IL5RA: variants seen among roughly 807,000 people sequenced by gnomAD.
The protein encoded by IL5RA is interleukin 5 receptor subunit alpha.
In IL5RA, 49 loss-of-function variants were observed where a neutral mutation model predicts 50.0. The ratio of observed to expected loss-of-function variants is 0.98; its 90% CI spans 0.78 to 1.24. The LOEUF is 1.24. Among genes scored for constraint, IL5RA ranks in the 50% most tolerant of loss-of-function variants. The pLI, the probability that IL5RA is intolerant of heterozygous loss-of-function variation, is 0.00. For synonymous variants in IL5RA, 202 were observed against 174.0 expected (o/e 1.16, Z -1.26); for missense variants, 600 against 500.4 (o/e 1.20, Z -1.90).
At chr3:3,107,472 T>G (rs748313032) in intron 2 of IL5RA, among the ~76,000 whole-genome samples, 2 of 152,140 alleles carry the variant, frequency 1.3e-5, no homozygotes, top group Non-Finnish European at 2.9e-5. Context: ...TGGGTCATAT[T>G]TCACTATAAA....
intron 9 of IL5RA, among the ~76,000 whole-genome samples, chr3:3,080,256 G>A (rs1338848471): frequency 1.3e-5 from 2 of 152,124 alleles, no homozygotes; most frequent in Non-Finnish European, 2.9e-5. Flanking sequence ...TTCTTACAGC[G>A]ATGCTTTGAG....
chr3:3,101,143 C>T (rs192698749), intron 5 of IL5RA, among the ~76,000 whole-genome samples: 57 of 149,724 alleles, frequency 3.8e-4, no homozygotes, highest in African/African-American at 1.3e-3. Context: ...CACACCACTG[C>T]ACTTCAGCCT....
In IL5RA at chr3:3,095,274, A is replaced by G. The variant is rs374344230; in HGVS notation, c.855+25T>C. 76 of 1,524,300 alleles carry G rather than the reference A, an allele frequency of 5.0e-5. 1 individual carries two copies. The African/African-American group carries it at 8.2e-4, about 16-fold the overall frequency. 94.4% of individuals were successfully genotyped at this position (1,524,300 alleles called of 1,614,324 possible). A position where few individuals can be genotyped will look rare whatever the true frequency, so the allele number is the denominator to read the frequency against. On this transcript the variant is annotated intron_variant, in intron 8 of 11. Transcript: ENST00000446632. ...TTCTAAAACAAATGTCTGTTATCAA[A>G]TATTGGAATAATCTGAGTAATTACC...
chr3:3,090,448 C>G (rs375633166), intron 9 of IL5RA, among the ~76,000 whole-genome samples: 7 of 152,102 alleles, frequency 4.6e-5, no homozygotes, highest in Non-Finnish European at 1.0e-4. Context: ...ACACATGAGA[C>G]GCACTAGTTG....
chr3:3,076,599 C>T lies in IL5RA; in HGVS notation c.1023G>A (p.Glu341=). ...VGNDEHKPLR[E]WFVIVIMATI... ...TTGCCATAATCACAATGACAAACCA[C>T]TCTCTCAAGGGCTTGTGTTCATCAT... is the stretch of plus-strand genomic sequence containing the variant. The change falls in exon 10 of 12, where the codon GAG becomes GAA. Residue 341 remains glutamate, a synonymous_variant. Transcript: ENST00000446632. 1.2e-6 allele frequency: 2 copies of T among 1,610,906 alleles called. No individual in the cohort carries two copies. The highest frequency in any genetic ancestry group is 1.7e-6 in the Non-Finnish European group (2 of 1,177,286).
chr3:3,097,759 G>T, intron 7 of IL5RA, 111 bp downstream of exon 7: 5 of 1,179,654 alleles, frequency 4.2e-6, no homozygotes, highest in Non-Finnish European at 4.7e-6. Context: ...TGGGTCTGAT[G>T]CTTACTTGGC....
chr3:3,085,810 A>AC (rs1443457365), intron 9 of IL5RA, among the ~76,000 whole-genome samples: 2 of 151,830 alleles, frequency 1.3e-5, no homozygotes, highest in Non-Finnish European at 2.9e-5. Flanking sequence ...GGACTCTGAG[A>AC]CCCCCACTCC....
Position 3,095,343 on chromosome 3 carries a change from C to T in IL5RA, c.811G>A (p.Asp271Asn). Residue 271 changes from aspartate (D) to asparagine (N), a missense_variant, in exon 8 of 12, where the codon GAT becomes AAT. Physicochemically the swap from Asp to Asn is conservative, Grantham distance 23. Coordinates refer to ENST00000446632, the MANE Select transcript of IL5RA (RefSeq NM_175726.4). The stretch of plus-strand genomic sequence containing the variant: ...GTATTGTGTATTTTTACTTCATAAT[C>T]AAAGCAATGGATTGGAAAAGCAGAC... ...PVSAFPIHCF[D>N]YEVKIHNTRN... is the part of the protein sequence containing the mutation. 1.2e-6 allele frequency: 2 copies of T among 1,608,114 alleles called. No homozygotes were observed. The highest frequency in any genetic ancestry group is 1.7e-6 in the Non-Finnish European group (2 of 1,174,886).
intron 9 of IL5RA, among the ~76,000 whole-genome samples, chr3:3,081,705 G>C (rs902888666): frequency 2.0e-5 from 3 of 152,186 alleles, no homozygotes; most frequent in African/African-American, 7.2e-5. Context: ...ACTTTGATAA[G>C]CGAAGATTCT....
At chr3:3,106,298 C>A (rs1703918532) in intron 2 of IL5RA, among the ~76,000 whole-genome samples, 3 of 152,140 alleles carry the variant, frequency 2.0e-5, no homozygotes, top group Non-Finnish European at 4.4e-5. Flanking sequence ...GAGACCTGGG[C>A]TAAATGAATA....
At position 3,068,182 on chromosome 3, in the gene IL5RA, C is replaced by G. The variant is rs1202121007; in HGVS notation, c.*2043G>C. The G allele has an allele frequency of 6.6e-6, 1 of 152,198 alleles. No individual in the cohort carries two copies. Among genetic ancestry groups the G allele is most frequent in the Non-Finnish European group, 1.5e-5 (1 of 68,120 alleles). The allele number at this position is 152,198 out of a possible 1,614,324, so 9.4% of individuals were successfully genotyped here. On this transcript the variant is annotated 3_prime_UTR_variant, in exon 12 of 12. Coordinates refer to ENST00000446632, the MANE Select transcript of IL5RA (RefSeq NM_175726.4). ...GCAGCTTTTCAGACCTCACCCAGAC[C>G]TATTCAGTTAGAGACTCTAAGAATG...
In IL5RA at chr3:3,098,288, A is replaced by G; in HGVS notation, c.370T>C (p.Ser124Pro). 6.2e-7 allele frequency: 1 copy of G among 1,613,220 alleles called. No individual in the cohort carries two copies. Among genetic ancestry groups the G allele is most frequent in the Non-Finnish European group, 8.5e-7 (1 of 1,179,458 alleles). ...AAATTCACAATTGAGGTTCCAGGAG[A>G]CCCTAGGTAGTCAAAAGTAAAAAGG... ...ASAELHAPPGSPGTSIVNLTC... is the reference protein window; with the variant it reads ...ASAELHAPPGPPGTSIVNLTC... The change falls in exon 6 of 12, where the codon TCT becomes CCT. Residue 124 changes from serine to proline, a missense_variant and splice_region_variant. Transcript: ENST00000446632.
chr3:3,087,699 G>C (rs1296076473), intron 9 of IL5RA, among the ~76,000 whole-genome samples: 1 of 152,104 alleles, frequency 6.6e-6, no homozygotes, highest in Non-Finnish European at 1.5e-5. Flanking sequence ...GTAAAATGGA[G>C]TGGGAGGGCT....
At chr3:3,109,146 CT>C (rs201522301) in intron 1 of IL5RA, among the ~76,000 whole-genome samples, 50 of 145,432 alleles carry the variant, frequency 3.4e-4, no homozygotes, top group African/African-American at 1.1e-3. Context: ...CTTTTTCCCC[CT>C]TTTTTTTGGT....
chr3:3,088,764 T>C (rs1057289745), intron 9 of IL5RA, among the ~76,000 whole-genome samples: 2 of 152,164 alleles, frequency 1.3e-5, no homozygotes, highest in African/African-American at 2.4e-5. Flanking sequence ...ATCTCCAAAA[T>C]TGAATACATA....
chr3:3,076,683 G>A, intron 9 of IL5RA, 56 bp from the exon 10 acceptor site: 1 of 1,186,498 alleles, frequency 8.4e-7, no homozygotes, highest in South Asian at 1.3e-5. Flanking sequence ...AGAAGCAGCA[G>A]GTAAAAGAAA....
rs185327487 is a variant in IL5RA, at chr3:3,106,578, C to A, written c.-3-1591G>T. Among the ~76,000 whole-genome samples, 330 of 151,856 alleles carry A rather than the reference C, an allele frequency of 2.2e-3. 1 individual carries two copies. The highest frequency in any genetic ancestry group is 6.7e-3 in the African/African-American group (279 of 41,410). On this transcript the variant is annotated intron_variant, in intron 2 of 11. Coordinates refer to ENST00000446632, the MANE Select transcript of IL5RA (RefSeq NM_175726.4). ...AATTAAAAAAAAAATGAAACGATGA[C>A]GATGACAACAAAAGCAGGTACTCTA...
At chr3:3,100,994 A>G (rs1409671074) in intron 5 of IL5RA, among the ~76,000 whole-genome samples, 1 of 108,976 alleles carries the variant, frequency 9.2e-6, no homozygotes, top group African/African-American at 2.8e-5. Flanking sequence ...AATAATAATA[A>G]TAATAATAAT....
Position 3,101,718 on chromosome 3 carries a change from G to T in IL5RA, c.341C>A (p.Ala114Asp). The change falls in exon 5 of 12, where the codon GCT becomes GAT. Residue 114 changes from alanine to aspartate, a missense_variant. By Grantham distance (126) the Ala-to-Asp change is moderately radical. Transcript: ENST00000446632. ...NDHSLLASSW[A>D]SAELHAPPGS... is the part of the protein sequence containing the mutation. ...TGGTGGGGCATGAAGTTCAGCAGAAGCCCAGCTGCTGGCCAGTAGTGAGTG... is the reference window on the plus strand; with the variant it reads ...TGGTGGGGCATGAAGTTCAGCAGAATCCCAGCTGCTGGCCAGTAGTGAGTG... The T allele has an allele frequency of 7.4e-6, 12 of 1,614,098 alleles. No individual in the cohort carries two copies. The highest frequency in any genetic ancestry group is 1.0e-5 in the Non-Finnish European group (12 of 1,179,996).
Sources: gnomAD v4.1 joint callset for allele counts (sites outside exome capture counted in the v4.1 genomes callset) on GRCh38, gnomAD v4.1.1 for gene constraint, MANE v1.5 for transcripts, NCBI Gene and HGNC (gene_info 2026-07-23, HGNC 2026-07-21) for gene names.